The following ZEB1 variants were observed in gnomAD, a reference collection of about 807,000 sequenced individuals.
The protein encoded by ZEB1 is zinc finger E-box binding homeobox 1.
A neutral mutation model predicts 84.9 loss-of-function variants in ZEB1; 21 were observed. The observed-to-expected ratio is 0.25, with a 90% CI of 0.18 to 0.36. The LOEUF is 0.36. Among genes scored for constraint, ZEB1 ranks in the 10% least tolerant of loss-of-function variants. ZEB1 has a pLI of 1.00. For synonymous variants in ZEB1, 420 were observed against 471.1 expected (o/e 0.89, Z 1.41); for missense variants, 1,104 against 1,330.2 (o/e 0.83, Z 2.65).
At chr10:31,349,583 T>C (rs1296815004) in intron 1 of ZEB1, among the ~76,000 whole-genome samples, 1 of 152,194 alleles carries the variant, frequency 6.6e-6, no homozygotes, top group East Asian at 1.9e-4. Flanking sequence ...TCAGCACTTG[T>C]TCTGTTTCAT....
Position 31,387,315 on chromosome 10 carries a change from T to G in ZEB1, c.58+68023T>G, listed in dbSNP as rs536969893. 6.3e-5 allele frequency: 62 copies of G among 985,584 alleles called. No individual in the cohort carries two copies. The South Asian group carries it at 2.5e-3, about 40-fold the overall frequency. The allele number at this position is 985,584 out of a possible 1,614,324, so 61.1% of individuals were successfully genotyped here. A position where few individuals can be genotyped will look rare whatever the true frequency, so the allele number is the denominator to read the frequency against. On this transcript the variant is annotated intron_variant, in intron 1 of 8. Coordinates refer to ENST00000424869, the MANE Select transcript of ZEB1 (RefSeq NM_001174096.2). ...CACTCGTGGGCCCAGGCTCCTAACC[T>G]AAGACTGGTTTTGGAATGCTCCATT...
chr10:31,495,562 T>C (rs939249932), intron 2 of ZEB1, among the ~76,000 whole-genome samples: 3 of 152,082 alleles, frequency 2.0e-5, no homozygotes, highest in Non-Finnish European at 2.9e-5. Context: ...TTTCGGGAAG[T>C]TAAAATGTTT....
At chr10:31,500,615 C>T (rs1438395394) in intron 3 of ZEB1, among the ~76,000 whole-genome samples, 1 of 152,172 alleles carries the variant, frequency 6.6e-6, no homozygotes, top group Non-Finnish European at 1.5e-5. Flanking sequence ...ACTCCTTTGG[C>T]ACCCTGGAGG....
intron 1 of ZEB1, among the ~76,000 whole-genome samples, chr10:31,407,194 A>G (rs1448642349): frequency 6.6e-6 from 1 of 150,794 alleles, no homozygotes; most frequent in Non-Finnish European, 1.5e-5. Flanking sequence ...CACTGCACCC[A>G]CTAACTCGTC....
At chr10:31,352,571 T>C (rs537333559) in intron 1 of ZEB1, among the ~76,000 whole-genome samples, 1 of 152,246 alleles carries the variant, frequency 6.6e-6, no homozygotes, top group South Asian at 2.1e-4. Context: ...GCTGGGGTGC[T>C]AGGAAAGAGG....
chr10:31,440,146 G>A (rs976442791), intron 1 of ZEB1, among the ~76,000 whole-genome samples: 1 of 152,106 alleles, frequency 6.6e-6, no homozygotes. Flanking sequence ...GAGAAAAAGA[G>A]GAGTCAAAAC....
chr10:31,337,898 G>C (rs578112256), intron 1 of ZEB1, among the ~76,000 whole-genome samples: 1 of 151,902 alleles, frequency 6.6e-6, no homozygotes, highest in Non-Finnish European at 1.5e-5. Context: ...TGGCCAGGCA[G>C]GTCTTGAACT....
At chr10:31,417,037 T>G (rs1311343112) in intron 1 of ZEB1, among the ~76,000 whole-genome samples, 5 of 152,150 alleles carry the variant, frequency 3.3e-5, no homozygotes, top group Admixed American at 1.3e-4. Context: ...CTCAAATACA[T>G]TTAGTCATGA....
intron 1 of ZEB1, among the ~76,000 whole-genome samples, chr10:31,326,420 G>A (rs2035509003): frequency 6.6e-6 from 1 of 152,024 alleles, no homozygotes; most frequent in African/African-American, 2.4e-5. Context: ...GCTTTATTTG[G>A]GAGGGAGAAA....
intron 1 of ZEB1, among the ~76,000 whole-genome samples, chr10:31,458,713 A>G (rs560880799): frequency 1.3e-5 from 2 of 152,216 alleles, no homozygotes; most frequent in East Asian, 3.9e-4. Flanking sequence ...TACTAATCTG[A>G]TAAGTATATA....
intron 1 of ZEB1, among the ~76,000 whole-genome samples, chr10:31,355,811 C>T (rs2042025644): frequency 6.6e-6 from 1 of 152,028 alleles, no homozygotes. Context: ...ATGCATTCTT[C>T]AGGATTTTTT....
At chr10:31,470,194 T>G (rs28820960) in intron 2 of ZEB1, among the ~76,000 whole-genome samples, 1 of 152,018 alleles carries the variant, frequency 6.6e-6, no homozygotes, top group South Asian at 2.1e-4. Flanking sequence ...TCACCAGCAA[T>G]GGAACAAAGC....
rs192213800 is a variant in ZEB1, at chr10:31,501,666, T to C, written c.323-682T>C. The stretch of plus-strand genomic sequence containing the variant: ...GGAGATAAATTCCAAGAGTCCCCCA[T>C]TGAGTGTCTTAAATAAATACTTATA... On this transcript the variant is annotated intron_variant, in intron 3 of 8. Transcript: ENST00000424869. Among the ~76,000 whole-genome samples the C allele has an allele frequency of 2.1e-3, 326 of 152,068 alleles. 2 individuals carry two copies. Among genetic ancestry groups the C allele is most frequent in the African/African-American group, 5.9e-3 (245 of 41,518 alleles).
At chr10:31,434,374 A>C (rs59435809) in intron 1 of ZEB1, among the ~76,000 whole-genome samples, 2,590 of 152,354 alleles carry the variant, frequency 0.017, 64 homozygotes, top group African/African-American at 0.059. Context: ...TTATATAACT[A>C]GATAAATTAC....
chr10:31,495,282 A>G lies in ZEB1; in HGVS notation c.260-494A>G, dbSNP rs116527571. On this transcript the variant is annotated intron_variant, in intron 2 of 8. Coordinates refer to ENST00000424869, the MANE Select transcript of ZEB1 (RefSeq NM_001174096.2). ...TAGAAATTTGTGCTTTAGAGAAGAA[A>G]TAAAAATATATAATTCTACCGTCTA... 5.6e-3 allele frequency among the ~76,000 whole-genome samples: 851 copies of G among 152,188 alleles called. 13 individuals are homozygous for G. Among genetic ancestry groups the G allele is most frequent in the African/African-American group, 0.02 (816 of 41,556 alleles).
chr10:31,363,602 C>T (rs866513520), intron 1 of ZEB1: 36 of 1,518,112 alleles, frequency 2.4e-5, no homozygotes, highest in Middle Eastern at 1.8e-4. Flanking sequence ...GCGCTCACCT[C>T]CGTCTTCGGG....
chr10:31,478,751 C>G (rs968182853), intron 2 of ZEB1, among the ~76,000 whole-genome samples: 2 of 151,936 alleles, frequency 1.3e-5, no homozygotes, highest in African/African-American at 4.8e-5. Flanking sequence ...TGAAATAACT[C>G]AGTAACAGAA....
upstream of ZEB1, chr10:31,318,869 A>C: frequency 2.9e-6 from 1 of 349,324 alleles, no homozygotes; most frequent in South Asian, 2.3e-5. Context: ...GCGCGGAGGC[A>C]GGACGCCGCC....
intron 1 of ZEB1, among the ~76,000 whole-genome samples, chr10:31,412,692 T>C (rs910052128): frequency 6.6e-6 from 1 of 152,204 alleles, no homozygotes; most frequent in Admixed American, 6.5e-5. Flanking sequence ...TTAAGACTGC[T>C]TATAGAATGC....
Sources: allele counts gnomAD v4.1 joint callset (sites outside exome capture counted in the v4.1 genomes callset), GRCh38; gene constraint gnomAD v4.1.1; transcripts MANE v1.5; gene names NCBI Gene and HGNC (gene_info 2026-07-23, HGNC 2026-07-21).